The following BRWD1 variants were observed in gnomAD, a reference collection of about 807,000 sequenced individuals.
BRWD1 encodes the protein bromodomain and WD repeat-containing protein 1.
BRWD1 carries 82 observed loss-of-function variants against 251.2 expected under a neutral mutation model. The observed-to-expected ratio is 0.33, with a 90% CI of 0.27 to 0.39. BRWD1 has a LOEUF of 0.39. BRWD1 is among the 10% of genes least tolerant of loss of function. The pLI is 1.00. For missense variants in BRWD1, 2,233 were observed against 2,711.6 expected, an observed-to-expected ratio of 0.82 and a Z score of 3.92; for synonymous variants, 918 against 902.8, an observed-to-expected ratio of 1.02 and a Z score of -0.30.
At position 39,189,796 on chromosome 21, in the gene BRWD1, T is replaced by C. The variant is rs1212349103; in HGVS notation, c.*6463A>G. 1.0e-6 allele frequency: 1 copy of C among 985,184 alleles called. No homozygotes were observed. Among genetic ancestry groups the C allele is most frequent in the Non-Finnish European group, 1.2e-6 (1 of 829,864 alleles). 61.0% of individuals were successfully genotyped at this position (985,184 alleles called of 1,614,324 possible). ...GTTTTAGAAATATATATAGGATATT[T>C]CAGGGTTAGAAGTCAAATTTGTGTG... On this transcript the variant is annotated 3_prime_UTR_variant, in exon 41 of 41. Transcript: ENST00000342449.
chr21:39,314,121 C>G (rs769226414), upstream of BRWD1: 4 of 455,986 alleles, frequency 8.8e-6, no homozygotes, highest in South Asian at 6.2e-5. Context: ...TGCGTCTTGC[C>G]CCGCACGGAA....
chr21:39,316,196 G>T (rs2036696584), upstream of BRWD1, among the ~76,000 whole-genome samples: 1 of 152,198 alleles, frequency 6.6e-6, no homozygotes, highest in Non-Finnish European at 1.5e-5. Flanking sequence ...TTGGTCATAA[G>T]GATAGAGAAG....
At chr21:39,217,091 TTTTTTTTTTTTTTTTA>T (rs1340313661) in intron 31 of BRWD1, 11 of 39,312 alleles carry the variant, frequency 2.8e-4, no homozygotes, top group African/African-American at 1.2e-3. Context: ...ATATTTTTTT[TTTTTTTTTTTTTTTTA>T]ATTGCTTAGA....
At position 39,197,355 on chromosome 21, in the gene BRWD1, C is replaced by A; in HGVS notation, c.5714G>T (p.Ser1905Ile). The A allele has an allele frequency of 6.2e-7, 1 of 1,613,106 alleles. No individual in the cohort carries two copies. The highest frequency in any genetic ancestry group is 2.2e-5 in the East Asian group (1 of 44,874). Reference sequence around the variant, plus strand: ...CACCTGTAAACTACTGTCTGAGTCACTGGAACAGACCCTTTTCCTGGAAAT... The same window carrying A: ...CACCTGTAAACTACTGTCTGAGTCAATGGAACAGACCCTTTTCCTGGAAAT... ...RKISRKRVCS[S>I]DSDSSLQVVK... The change falls in exon 41 of 41, where the codon AGT becomes ATT. Residue 1905 changes from serine (S) to isoleucine (I), a missense_variant. Physicochemically the swap from Ser to Ile is moderately radical, Grantham distance 142. Around this residue, in one of 12 missense-constraint regions of BRWD1, gnomAD observed 928 missense variants for 970.0 expected, o/e 0.96. Coordinates refer to ENST00000342449, the MANE Select transcript of BRWD1 (RefSeq NM_033656.4).
rs781699076 is a variant in BRWD1 at position 39,196,310 on chromosome 21, A to C, written c.6759T>G (p.Asp2253Glu). 2 of 1,611,602 alleles carry C rather than the reference A, an allele frequency of 1.2e-6. No individual in the cohort carries two copies. Among genetic ancestry groups the C allele is most frequent in the Non-Finnish European group, 1.7e-6 (2 of 1,179,064 alleles). ...ACACATTTTCTAAACTTCTGTCATC[A>C]TCCCCATCATGGTATCTCACAGTCC... is the stretch of plus-strand genomic sequence containing the variant. ...GRRTVRYHDG[D>E]DDRSLENVLD... The change falls in exon 41 of 41, where the codon GAT becomes GAG. Residue 2253 changes from aspartate (D) to glutamate (E), a missense_variant. Coordinates refer to ENST00000342449, the MANE Select transcript of BRWD1 (RefSeq NM_033656.4).
At chr21:39,295,454 T>C (rs945582535) in intron 7 of BRWD1, among the ~76,000 whole-genome samples, 6 of 152,160 alleles carry the variant, frequency 3.9e-5, no homozygotes, top group Non-Finnish European at 8.8e-5. Flanking sequence ...CCCAAAGTGC[T>C]GGGATTACAG....
At chr21:39,250,103 A>G (rs1306570773) in intron 20 of BRWD1, among the ~76,000 whole-genome samples, 1 of 152,162 alleles carries the variant, frequency 6.6e-6, no homozygotes, top group African/African-American at 2.4e-5. Flanking sequence ...TCCTATATGT[A>G]GGGGACTCCC....
At position 39,228,519 on chromosome 21, in the gene BRWD1, T is replaced by C; in HGVS notation, c.3189A>G (p.Arg1063=). ...ACTTACAAGACTGCCAATTCCTCTG[T>C]CTTGCTTCATCATAAAATTGACGCA... ...LVLRQFYDEA[R]QRNWQSCDRF... The change falls in exon 27 of 41, where the codon AGA becomes AGG. Residue 1063 remains arginine, a synonymous_variant. Transcript: ENST00000342449. The C allele has an allele frequency of 1.9e-6, 3 of 1,612,784 alleles. No homozygotes were observed. Among genetic ancestry groups the C allele is most frequent in the Non-Finnish European group, 2.5e-6 (3 of 1,178,984 alleles).
chr21:39,294,334 C>T (rs1001617447), intron 7 of BRWD1, among the ~76,000 whole-genome samples: 1 of 152,150 alleles, frequency 6.6e-6, no homozygotes, highest in South Asian at 2.1e-4. Flanking sequence ...TCAAAGTTCA[C>T]GGCTCTCTTA....
In BRWD1 at chr21:39,258,632, G is replaced by A; in HGVS notation, c.1926C>T (p.Thr642=). 1.2e-6 allele frequency: 2 copies of A among 1,608,104 alleles called. No homozygotes were observed. The highest frequency in any genetic ancestry group is 1.7e-4 in the Middle Eastern group (1 of 6,050). The change falls in exon 18 of 41, where the codon ACC becomes ACT. Residue 642 remains threonine (T), a synonymous_variant. Transcript: ENST00000342449. ...EVIEQIISLQ[T]NDNDERSPES... is the part of the protein sequence containing the mutation. ...CTGGGCTGCGTTCATCATTATCATT[G>A]GTTTGCAGGCTTATAATTTGTTCAA...
chr21:39,303,394 C>T (rs1376960608), intron 4 of BRWD1, among the ~76,000 whole-genome samples: 1 of 151,452 alleles, frequency 6.6e-6, no homozygotes, highest in East Asian at 2.0e-4. Context: ...TAGCAGGTGA[C>T]TGTAATCTCA....
Position 39,194,019 on chromosome 21 carries a change from C to G in BRWD1, c.*2240G>C, listed in dbSNP as rs2031687053. The G allele has an allele frequency of 2.0e-6, 2 of 985,404 alleles. No individual in the cohort carries two copies. Among genetic ancestry groups the G allele is most frequent in the African/African-American group, 3.5e-5 (2 of 57,188 alleles). 61.0% of individuals were successfully genotyped at this position (985,404 alleles called of 1,614,324 possible). On this transcript the variant is annotated 3_prime_UTR_variant, in exon 41 of 41. Transcript: ENST00000342449. ...TTGTCGGCTATGCTTTTAAAGACAT[C>G]AGGTCCATTCTTGCTGCTTCTGATG...
intron 29 of BRWD1, 138 bp downstream of exon 29, chr21:39,224,270 C>A: frequency 2.0e-6 from 1 of 498,132 alleles, no homozygotes; most frequent in Non-Finnish European, 3.5e-6. Flanking sequence ...ATGCTGTTGT[C>A]TTCTTTCAGT....
intron 25 of BRWD1, among the ~76,000 whole-genome samples, chr21:39,230,863 G>A (rs1482845954): frequency 1.3e-5 from 2 of 150,950 alleles, no homozygotes; most frequent in Non-Finnish European, 1.5e-5. Flanking sequence ...AAACATGCTC[G>A]TCAGGCAAGT....
chr21:39,269,032 T>C (rs1448531647), intron 15 of BRWD1, among the ~76,000 whole-genome samples: 4 of 151,826 alleles, frequency 2.6e-5, no homozygotes, highest in Non-Finnish European at 5.9e-5. Flanking sequence ...CCTAGAAAGA[T>C]ACAACCACTT....
chr21:39,222,108 G>C (rs1416875648), intron 29 of BRWD1, among the ~76,000 whole-genome samples: 1 of 152,048 alleles, frequency 6.6e-6, no homozygotes, highest in Non-Finnish European at 1.5e-5. Context: ...TGCTGGAAAT[G>C]TAAAATGGTA....
chr21:39,283,270 GTAAA>G (rs2146713473), intron 8 of BRWD1, among the ~76,000 whole-genome samples: 1 of 152,274 alleles, frequency 6.6e-6, no homozygotes, highest in South Asian at 2.1e-4. Flanking sequence ...AATTTCAAAT[GTAAA>G]TACGCTGATT....
rs750051276 is a variant in BRWD1, at chr21:39,196,924, C to T, written c.6145G>A (p.Val2049Ile). 1 of 1,613,740 alleles carries T rather than the reference C, an allele frequency of 6.2e-7. No individual in the cohort carries two copies. The highest frequency in any genetic ancestry group is 1.3e-5 in the African/African-American group (1 of 74,892). Reference protein sequence around the residue: ...DAPSKRKSSSVTSSGEDSKSH... With the variant: ...DAPSKRKSSSITSSGEDSKSH... ...TTTGAATCTTCTCCTGAAGATGTAA[C>T]AGAGGAACTTTTTCTTTTAGAAGGT... Residue 2049 changes from valine to isoleucine, a missense_variant, in exon 41 of 41, where the codon GTT becomes ATT. Val to Ile is a conservative substitution (Grantham distance 29). Around this residue, in one of 12 missense-constraint regions of BRWD1, gnomAD observed 928 missense variants for 970.0 expected, o/e 0.96. Coordinates refer to ENST00000342449, the MANE Select transcript of BRWD1 (RefSeq NM_033656.4).
At chr21:39,311,807 C>G (rs1183567447) in intron 4 of BRWD1, among the ~76,000 whole-genome samples, 1 of 152,190 alleles carries the variant, frequency 6.6e-6, no homozygotes, top group Admixed American at 6.6e-5. Context: ...GTTAACTGTT[C>G]ATGGAAATAA....
Sources: gnomAD v4.1 joint callset for allele counts (sites outside exome capture counted in the v4.1 genomes callset) on GRCh38, gnomAD v4.1.1 for gene constraint, gnomAD v4.1.1 regional missense constraint, MANE v1.5 for transcripts, NCBI Gene and HGNC (gene_info 2026-07-23, HGNC 2026-07-21) for gene names.